PRUNE2: variants seen among roughly 807,000 people sequenced by gnomAD.
PRUNE2 encodes protein prune homolog 2.
A neutral mutation model predicts 252.0 loss-of-function variants in PRUNE2; 164 were observed. The ratio of observed to expected loss-of-function variants is 0.65; its 90% CI spans 0.57 to 0.74. The LOEUF (loss-of-function observed/expected upper bound fraction) is 0.74. Ranked by LOEUF, PRUNE2 falls within the 30% of genes least tolerant of loss-of-function variation. PRUNE2 has a pLI of 0.00. For synonymous variants in PRUNE2, 1,292 were observed against 1,350.2 expected, an observed-to-expected ratio of 0.96 and a Z score of 0.94; for missense variants, 3,495 against 3,711.0, an observed-to-expected ratio of 0.94 and a Z score of 1.51.
intron 2 of PRUNE2, among the ~76,000 whole-genome samples, chr9:76,852,515 C>T (rs1472624949): frequency 6.6e-6 from 1 of 152,194 alleles, no homozygotes; most frequent in Non-Finnish European, 1.5e-5. Flanking sequence ...GGCTCACTTA[C>T]CAGAGTGAGA....
At position 76,868,213 on chromosome 9, in the gene PRUNE2, C is replaced by G. The variant is rs2060957991; in HGVS notation, c.37-14005G>C. Among the ~76,000 whole-genome samples, 7 of 152,260 alleles carry G rather than the reference C, an allele frequency of 4.6e-5. No homozygotes were observed. The South Asian group carries it at 1.5e-3, about 32-fold the overall frequency. On this transcript the variant is annotated intron_variant, in intron 1 of 18. Transcript: ENST00000376718. ...ACAGGCAGTAAATGGTGGCATAGGACATTTATAGTAACTTATATCAAAAAT... is the reference window on the plus strand; with the variant it reads ...ACAGGCAGTAAATGGTGGCATAGGAGATTTATAGTAACTTATATCAAAAAT...
intron 18 of PRUNE2, 27 bp from the exon 19 acceptor site, chr9:76,614,627 A>T: frequency 6.3e-7 from 1 of 1,588,150 alleles, no homozygotes; most frequent in Non-Finnish European, 8.6e-7. Context: ...AAGAGAGAGA[A>T]ACATGAGAAA....
At chr9:76,878,604 G>A (rs1359828529) in intron 1 of PRUNE2, among the ~76,000 whole-genome samples, 1 of 152,142 alleles carries the variant, frequency 6.6e-6, no homozygotes, top group East Asian at 1.9e-4. Flanking sequence ...GTAGTCTTTA[G>A]AGATTTTCTT....
intron 6 of PRUNE2, among the ~76,000 whole-genome samples, chr9:76,780,351 G>C (rs1364617007): frequency 6.6e-6 from 1 of 152,084 alleles, no homozygotes; most frequent in Non-Finnish European, 1.5e-5. Context: ...AAGACAAGTT[G>C]AGAGACCATT....
At chr9:76,643,478 A>G (rs190960878) in intron 12 of PRUNE2, among the ~76,000 whole-genome samples, 2 of 152,318 alleles carry the variant, frequency 1.3e-5, no homozygotes, top group East Asian at 3.9e-4. Context: ...TGTTCCTCTT[A>G]TGGTTTTCAC....
chr9:76,653,531 T>C (rs1258291402), intron 10 of PRUNE2, among the ~76,000 whole-genome samples: 2 of 152,148 alleles, frequency 1.3e-5, no homozygotes, highest in Non-Finnish European at 2.9e-5. Flanking sequence ...TCTTTGAATA[T>C]TTTTCTTCTG....
At chr9:76,614,830 A>G (rs942554633) in intron 18 of PRUNE2, among the ~76,000 whole-genome samples, 1 of 152,200 alleles carries the variant, frequency 6.6e-6, no homozygotes, top group African/African-American at 2.4e-5. Flanking sequence ...TTCTGGAAGC[A>G]TTTTACACCT....
chr9:76,874,566 G>A (rs2061381250), intron 1 of PRUNE2, among the ~76,000 whole-genome samples: 1 of 152,164 alleles, frequency 6.6e-6, no homozygotes, highest in Non-Finnish European at 1.5e-5. Context: ...TATATTCATA[G>A]GTCAGTCTAA....
intron 6 of PRUNE2, among the ~76,000 whole-genome samples, chr9:76,815,861 G>C (rs1241332892): frequency 2.0e-5 from 3 of 152,100 alleles, no homozygotes; most frequent in Non-Finnish European, 4.4e-5. Context: ...TTTAGCTGGA[G>C]ATACAAAATA....
rs1268815741 is a variant in PRUNE2, at chr9:76,706,259, T to C, written c.6015A>G (p.Leu2005=). 1 of 1,614,036 alleles carries C rather than the reference T, an allele frequency of 6.2e-7. No individual in the cohort carries two copies. Among genetic ancestry groups the C allele is most frequent in the Admixed American group, 1.7e-5 (1 of 60,024 alleles). ...TNQWEQEKSY[L]GEMTNSSIAT... is the part of the protein sequence containing the mutation. ...CAATGCTTGAATTTGTCATCTCACC[T>C]AGGTATGATTTTTCTTGTTCCCACT... The change falls in exon 8 of 19, where the codon CTA becomes CTG. Residue 2005 remains leucine (L), a synonymous_variant. Coordinates refer to ENST00000376718, the MANE Select transcript of PRUNE2 (RefSeq NM_015225.3).
At chr9:76,689,309 G>A (rs2044455910) in intron 9 of PRUNE2, among the ~76,000 whole-genome samples, 1 of 152,156 alleles carries the variant, frequency 6.6e-6, no homozygotes, top group Admixed American at 6.5e-5. Context: ...AAATAGAAGA[G>A]TGGTAGATTT....
chr9:76,830,353 C>T (rs1009006945), intron 4 of PRUNE2, among the ~76,000 whole-genome samples: 74 of 152,008 alleles, frequency 4.9e-4, no homozygotes, highest in African/African-American at 1.4e-3. Flanking sequence ...ATTATTCAAA[C>T]GTTAAAGAAA....
At chr9:76,869,155 G>C (rs1278397461) in intron 1 of PRUNE2, 1 of 152,178 alleles carries the variant, frequency 6.6e-6, no homozygotes, top group African/African-American at 2.4e-5. Flanking sequence ...TAATACTCAC[G>C]AGTGTAAATG....
At chr9:76,702,474 G>T (rs770072438) in intron 9 of PRUNE2, among the ~76,000 whole-genome samples, 1 of 152,184 alleles carries the variant, frequency 6.6e-6, no homozygotes, top group African/African-American at 2.4e-5. Context: ...AAACACAAAT[G>T]AAGAGAAATG....
intron 1 of PRUNE2, among the ~76,000 whole-genome samples, chr9:76,867,147 G>A (rs914623620): frequency 9.2e-5 from 14 of 152,082 alleles, no homozygotes; most frequent in African/African-American, 3.4e-4. Context: ...GCCATCCCAC[G>A]CACCTTTCTC....
intron 6 of PRUNE2, among the ~76,000 whole-genome samples, chr9:76,810,974 G>A (rs537397666): frequency 1.1e-4 from 17 of 152,130 alleles, no homozygotes; most frequent in Non-Finnish European, 1.9e-4. Flanking sequence ...TCTCAGGAGC[G>A]TTACAGACAA....
At chr9:76,777,197 G>C (rs926245236) in intron 6 of PRUNE2, among the ~76,000 whole-genome samples, 2 of 152,166 alleles carry the variant, frequency 1.3e-5, no homozygotes, top group African/African-American at 4.8e-5. Context: ...GAAACTGCTA[G>C]GGACAAAGGG....
chr9:76,728,271 G>C (rs1417868060), intron 6 of PRUNE2, among the ~76,000 whole-genome samples: 1 of 151,998 alleles, frequency 6.6e-6, no homozygotes, highest in East Asian at 1.9e-4. Context: ...CCATTTCTGG[G>C]CCTGAATTAT....
At chr9:76,789,950 A>G (rs1042881384) in intron 6 of PRUNE2, among the ~76,000 whole-genome samples, 1 of 151,822 alleles carries the variant, frequency 6.6e-6, no homozygotes, top group South Asian at 2.1e-4. Flanking sequence ...TAAATGTGCA[A>G]CCCCCTCTTT....
Sources: gnomAD v4.1 joint callset for allele counts (sites outside exome capture counted in the v4.1 genomes callset) on GRCh38, gnomAD v4.1.1 for gene constraint, MANE v1.5 for transcripts, NCBI Gene and HGNC (gene_info 2026-07-23, HGNC 2026-07-21) for gene names.